The following CEP192 variants were observed in gnomAD, a reference collection of about 807,000 sequenced individuals.
The protein encoded by CEP192 is centrosomal protein 192, also known as centrosomal protein of 192 kDa.
CEP192 carries 151 observed loss-of-function variants against 271.8 expected under a neutral mutation model. That is an observed-to-expected ratio of 0.56 (90% confidence interval 0.49 to 0.64). CEP192 has a LOEUF of 0.64. Among genes scored for constraint, CEP192 ranks in the 30% least tolerant of loss-of-function variants. The pLI, the probability that CEP192 is intolerant of heterozygous loss-of-function variation, is 0.00. For synonymous variants in CEP192, 995 were observed against 1,076.5 expected, an observed-to-expected ratio of 0.92 and a Z score of 1.48; for missense variants, 2,910 against 3,020.5, an observed-to-expected ratio of 0.96 and a Z score of 0.86.
At chr18:13,102,436 G>T (rs1359707310) in intron 38 of CEP192, among the ~76,000 whole-genome samples, 7 of 152,026 alleles carry the variant, frequency 4.6e-5, no homozygotes, top group Admixed American at 4.6e-4. Flanking sequence ...AGGTTAAGAA[G>T]CATCTTCCTC....
At chr18:13,001,637 CT>C in intron 3 of CEP192, 55 bp downstream of exon 3, 1 of 1,438,634 alleles carries the variant, frequency 7.0e-7, no homozygotes, top group Non-Finnish European at 9.2e-7. Flanking sequence ...CTTACGCAGT[CT>C]TGTGGAAAAT....
chr18:13,102,578 CA>C (rs776599961), intron 38 of CEP192, among the ~76,000 whole-genome samples: 5 of 152,294 alleles, frequency 3.3e-5, no homozygotes, highest in Non-Finnish European at 7.4e-5. Flanking sequence ...CTCCATGTGC[CA>C]AATCCAGGGT....
At position 13,042,477 on chromosome 18, in the gene CEP192, A is replaced by C. The variant is rs190540873; in HGVS notation, c.2067+143A>C. On this transcript the variant is annotated intron_variant, in intron 15 of 44. Coordinates refer to ENST00000506447, the MANE Select transcript of CEP192 (RefSeq NM_032142.4). ...TCAGATTTCTTGCAAGTGTCCTTTAAATTTTTCTTTTTAAGTTTTTGTGGC... is the reference window on the plus strand; with the variant it reads ...TCAGATTTCTTGCAAGTGTCCTTTACATTTTTCTTTTTAAGTTTTTGTGGC... 6.3e-5 allele frequency: 53 copies of C among 841,632 alleles called. No individual in the cohort carries two copies. The African/African-American group carries it at 7.9e-4, about 13-fold the overall frequency. The allele number at this position is 841,632 out of a possible 1,614,324, so 52.1% of individuals were successfully genotyped here.
chr18:13,002,786 T>C (rs895668898), intron 3 of CEP192, among the ~76,000 whole-genome samples: 4 of 152,218 alleles, frequency 2.6e-5, no homozygotes, highest in African/African-American at 9.7e-5. Flanking sequence ...TCTTGTTTTC[T>C]GTGTTTAAAT....
Position 13,042,035 on chromosome 18 carries a change from C to T in CEP192, c.1937-169C>T, listed in dbSNP as rs576070426. On this transcript the variant is annotated intron_variant, in intron 14 of 44. Transcript: ENST00000506447. ...GAGCCAAATTAACTATGTTGTTGTT[C>T]TCTGTCCAAGTGACTATACGTTTAA... 9.0e-4 allele frequency among the ~76,000 whole-genome samples: 137 copies of T among 152,312 alleles called. 1 individual carries two copies. The highest frequency in any genetic ancestry group is 3.2e-3 in the African/African-American group (131 of 41,566).
chr18:13,123,368 A>C (rs1170108544), intron 44 of CEP192, among the ~76,000 whole-genome samples: 1 of 152,240 alleles, frequency 6.6e-6, no homozygotes, highest in East Asian at 1.9e-4. Flanking sequence ...CCTTTGCTCT[A>C]TATAGATATA....
chr18:13,009,669 C>T (rs868372276), intron 4 of CEP192, among the ~76,000 whole-genome samples: 7 of 152,104 alleles, frequency 4.6e-5, no homozygotes, highest in African/African-American at 1.7e-4. Flanking sequence ...CCTGTCTCTC[C>T]TAAAAATACA....
chr18:12,995,409 A>G (rs1231778419), intron 1 of CEP192, among the ~76,000 whole-genome samples: 1 of 152,158 alleles, frequency 6.6e-6, no homozygotes, highest in Non-Finnish European at 1.5e-5. Flanking sequence ...AGAAGAGAGA[A>G]TAGTTGGAAA....
chr18:12,995,176 C>T (rs976052169), intron 1 of CEP192, among the ~76,000 whole-genome samples: 3 of 151,446 alleles, frequency 2.0e-5, no homozygotes, highest in Non-Finnish European at 2.9e-5. Flanking sequence ...ATTCTCCTGC[C>T]TCAGCCTCCT....
At position 13,029,830 on chromosome 18, in the gene CEP192, G is replaced by C. The variant is rs1476820527; in HGVS notation, c.1218G>C (p.Met406Ile). Residue 406 changes from methionine to isoleucine, a missense_variant, in exon 10 of 45, where the codon ATG becomes ATC. Transcript: ENST00000506447. ...ACCAAAATAAGACAGTTTTGCACATGGATGGATGTTTAGACACTGAGACTC... is the reference window on the plus strand; with the variant it reads ...ACCAAAATAAGACAGTTTTGCACATCGATGGATGTTTAGACACTGAGACTC... ...CPHQNKTVLH[M>I]DGCLDTETPT... 2 of 1,551,692 alleles carry C rather than the reference G, an allele frequency of 1.3e-6. No homozygotes were observed. Among genetic ancestry groups the C allele is most frequent in the Non-Finnish European group, 1.7e-6 (2 of 1,146,996 alleles).
At chr18:13,079,565 A>C (rs2038479755) in intron 30 of CEP192, among the ~76,000 whole-genome samples, 2 of 152,070 alleles carry the variant, frequency 1.3e-5, no homozygotes, top group South Asian at 2.1e-4. Flanking sequence ...AGATTAAAAA[A>C]TTTTCTCCCA....
intron 3 of CEP192, among the ~76,000 whole-genome samples, chr18:13,006,304 G>A (rs2145848081): frequency 6.6e-6 from 1 of 151,342 alleles, no homozygotes; most frequent in South Asian, 2.1e-4. Context: ...TTTTGTGGAT[G>A]TACACTTGAC....
At chr18:13,045,020 C>T (rs1000277881) in intron 15 of CEP192, among the ~76,000 whole-genome samples, 3 of 152,092 alleles carry the variant, frequency 2.0e-5, no homozygotes, top group African/African-American at 7.2e-5. Flanking sequence ...TCTTCCTCTA[C>T]ACTTGAAAAT....
Position 12,991,443 on chromosome 18 carries a change from G to A in CEP192, c.-5+6G>A, listed in dbSNP as rs1008525729. On this transcript the variant is annotated splice_donor_region_variant and intron_variant, in intron 1 of 44. Transcript: ENST00000506447. Reference sequence around the variant, plus strand: ...AAGTCGGGGACGCGGGCTCGGTGAGGGGGGACGCTGGTGCCTCGGCCTGCG... The same window carrying A: ...AAGTCGGGGACGCGGGCTCGGTGAGAGGGGACGCTGGTGCCTCGGCCTGCG... 1 of 152,926 alleles carries A rather than the reference G, an allele frequency of 6.5e-6. No homozygotes were observed. Among genetic ancestry groups the A allele is most frequent in the Non-Finnish European group, 1.5e-5 (1 of 68,648 alleles). 9.5% of individuals were successfully genotyped at this position (152,926 alleles called of 1,614,324 possible).
chr18:13,086,294 G>C (rs2038893279), intron 30 of CEP192, among the ~76,000 whole-genome samples: 2 of 152,188 alleles, frequency 1.3e-5, no homozygotes, highest in South Asian at 4.1e-4. Flanking sequence ...AGACGATGGG[G>C]TTTTCTAAAT....
Position 13,095,653 on chromosome 18 carries a change from G to A in CEP192, c.6405G>A (p.Glu2135=), listed in dbSNP as rs1442621335. The change falls in exon 35 of 45, where the codon GAG becomes GAA. Residue 2135 remains glutamate (E), a synonymous_variant. Transcript: ENST00000506447. ...AAGAGCCGTGGACTGTCCTACCCGA[G>A]CACTTGATTCTGGTAGCTCCTTCTC... is the stretch of plus-strand genomic sequence containing the variant. ...ASEEPWTVLP[E]HLILVAPSPC... 6 of 1,612,936 alleles carry A rather than the reference G, an allele frequency of 3.7e-6. No homozygotes were observed. Among genetic ancestry groups the A allele is most frequent in the Non-Finnish European group, 4.2e-6 (5 of 1,179,742 alleles).
chr18:12,995,716 G>T (rs147016380), intron 1 of CEP192, among the ~76,000 whole-genome samples: 2 of 152,312 alleles, frequency 1.3e-5, no homozygotes, highest in East Asian at 3.9e-4. Context: ...AGGGAAAGGA[G>T]GTTGGGAAGT....
chr18:13,056,075 T>C lies in CEP192; in HGVS notation c.3485T>C (p.Leu1162Ser). 1.2e-6 allele frequency: 2 copies of C among 1,614,052 alleles called. No homozygotes were observed. The highest frequency in any genetic ancestry group is 1.7e-6 in the Non-Finnish European group (2 of 1,179,960). ...EVGWTSNPEE[L>S]DPIRLALLGK... The stretch of plus-strand genomic sequence containing the variant: ...GGTTGGACATCAAACCCTGAGGAAT[T>C]GGACCCGATCAGGCTGGCTCTCCTG... Residue 1162 changes from leucine (L) to serine (S), a missense_variant, in exon 19 of 45, where the codon TTG (leucine) becomes TCG (serine). Physicochemically the swap from Leu to Ser is moderately radical, Grantham distance 145. Transcript: ENST00000506447.
At chr18:13,083,911 C>T (rs546668679) in intron 30 of CEP192, among the ~76,000 whole-genome samples, 95 of 152,278 alleles carry the variant, frequency 6.2e-4, no homozygotes, top group African/African-American at 2.0e-3. Flanking sequence ...GCTGGAGGTA[C>T]ACTCCAGATC....
Sources: allele counts gnomAD v4.1 joint callset (sites outside exome capture counted in the v4.1 genomes callset), GRCh38; gene constraint gnomAD v4.1.1; transcripts MANE v1.5; gene names NCBI Gene and HGNC (gene_info 2026-07-23, HGNC 2026-07-21).